The following PUS7 variants were observed in gnomAD, a reference collection of about 807,000 sequenced individuals.
PUS7 encodes the protein pseudouridylate synthase 7 homolog.
Under a neutral mutation model 79.8 loss-of-function variants are expected in PUS7, and 48 were observed. The ratio of observed to expected loss-of-function variants is 0.60; its 90% CI spans 0.48 to 0.76. The LOEUF (loss-of-function observed/expected upper bound fraction) is 0.76, where lower values mean the gene tolerates loss of function less well. Among genes scored for constraint, PUS7 ranks in the 30% least tolerant of loss-of-function variants. The probability of loss-of-function intolerance (pLI) is 0.00; values close to 1 mark genes in which losing one functional copy is unlikely to be tolerated. For synonymous variants in PUS7, 286 were observed against 272.2 expected (o/e 1.05, Z -0.50); for missense variants, 729 against 797.6 (o/e 0.91, Z 1.04).
At chr7:105,468,522 CTTTT>C in intron 11 of PUS7, 59 bp from the exon 12 acceptor site, 3 of 1,170,368 alleles carry the variant, frequency 2.6e-6, no homozygotes, top group Non-Finnish European at 1.2e-6. Flanking sequence ...AAGTGCTGTA[CTTTT>C]TTTTTTTTTG....
At chr7:105,475,843 C>T (rs1824085903) in intron 9 of PUS7, among the ~76,000 whole-genome samples, 1 of 152,012 alleles carries the variant, frequency 6.6e-6, no homozygotes, top group Admixed American at 6.6e-5. Context: ...AATAATAAAT[C>T]CCTATCCACC....
chr7:105,491,562 CTGT>C lies in PUS7; in HGVS notation c.895_897del (p.Thr299del). The C allele has an allele frequency of 6.3e-7, 1 of 1,598,686 alleles. No homozygotes were observed. The highest frequency in any genetic ancestry group is 2.2e-5 in the East Asian group (1 of 44,646). Reference sequence around the variant, plus strand: ...TACTTGAGAACAGCAATTTCTTGAACTGTTATAGCCCTTTTATCTTTGGTTCCC... The same window carrying C: ...TACTTGAGAACAGCAATTTCTTGAACTATAGCCCTTTTATCTTTGGTTCCC... On this transcript the variant is annotated inframe_deletion, in exon 7 of 16. Coordinates refer to ENST00000469408, the MANE Select transcript of PUS7 (RefSeq NM_019042.5).
chr7:105,493,443 A>C (rs906251135), intron 6 of PUS7, among the ~76,000 whole-genome samples: 10 of 152,240 alleles, frequency 6.6e-5, no homozygotes, highest in African/African-American at 2.4e-4. Flanking sequence ...AGGTACAGGC[A>C]TAGTAGCACA....
chr7:105,463,153 ACCTTGG>A (rs1823502411), intron 13 of PUS7, among the ~76,000 whole-genome samples: 1 of 152,170 alleles, frequency 6.6e-6, no homozygotes, highest in Non-Finnish European at 1.5e-5. Flanking sequence ...AAAATAAGAG[ACCTTGG>A]AAAACCATCT....
At chr7:105,460,920 G>C (rs1484983505) in intron 14 of PUS7, among the ~76,000 whole-genome samples, 1 of 151,746 alleles carries the variant, frequency 6.6e-6, no homozygotes, top group Non-Finnish European at 1.5e-5. Context: ...CAGGCTGGAG[G>C]GCAGTGGCGT....
chr7:105,491,455 G>T, intron 7 of PUS7, 85 bp downstream of exon 7: 1 of 845,398 alleles, frequency 1.2e-6, no homozygotes. Context: ...AGCTGAGAGA[G>T]AAACCCCCAA....
At chr7:105,462,098 GAAAAGGAAAA>G (rs2133038912) in intron 14 of PUS7, 1 of 31,470 alleles carries the variant, frequency 3.2e-5, no homozygotes, top group South Asian at 3.8e-3. Flanking sequence ...AAAAGAAAAA[GAAAAGGAAAA>G]GAAAAGAAGA....
At chr7:105,461,660 C>G (rs1823432148) in intron 14 of PUS7, among the ~76,000 whole-genome samples, 1 of 152,228 alleles carries the variant, frequency 6.6e-6, no homozygotes, top group Non-Finnish European at 1.5e-5. Flanking sequence ...CAGTCATGCA[C>G]TGCTTAACAA....
chr7:105,462,751 C>G lies in PUS7; in HGVS notation c.1628-1G>C. On this transcript the variant is annotated splice_acceptor_variant, in intron 13 of 15. Coordinates refer to ENST00000469408, the MANE Select transcript of PUS7 (RefSeq NM_019042.5). LOFTEE classifies it high-confidence loss of function. ...AGCATTTCCCTGTAGGCTTCTTGAA[C>G]TAATATAAAATACAAAAAGTTAGTT... The G allele has an allele frequency of 6.2e-7, 1 of 1,608,046 alleles. No homozygotes were observed. Among genetic ancestry groups the G allele is most frequent in the Non-Finnish European group, 8.5e-7 (1 of 1,178,588 alleles).
At chr7:105,509,044 C>T (rs1367626764) in intron 1 of PUS7, among the ~76,000 whole-genome samples, 1 of 149,234 alleles carries the variant, frequency 6.7e-6, no homozygotes, top group Non-Finnish European at 1.5e-5. Context: ...ACTAGCTGGG[C>T]GTGGTGGTAG....
At chr7:105,484,370 T>C (rs1212803909) in intron 7 of PUS7, among the ~76,000 whole-genome samples, 1 of 152,020 alleles carries the variant, frequency 6.6e-6, no homozygotes, top group African/African-American at 2.4e-5. Flanking sequence ...ATCCCAGTAC[T>C]TTAGGAGGCC....
chr7:105,516,991 C>T (rs1192951614), intron 1 of PUS7, among the ~76,000 whole-genome samples: 1 of 152,012 alleles, frequency 6.6e-6, no homozygotes, highest in East Asian at 1.9e-4. Flanking sequence ...CATTTTTTGA[C>T]ATATTTAAAA....
At chr7:105,500,602 C>G (rs1030823507) in intron 5 of PUS7, among the ~76,000 whole-genome samples, 1 of 152,216 alleles carries the variant, frequency 6.6e-6, no homozygotes, top group Non-Finnish European at 1.5e-5. Context: ...GGCAGCACTG[C>G]TGACCAACAT....
At chr7:105,507,009 C>T (rs1270261444) in intron 2 of PUS7, among the ~76,000 whole-genome samples, 1 of 152,060 alleles carries the variant, frequency 6.6e-6, no homozygotes, top group African/African-American at 2.4e-5. Context: ...TCAACAACCC[C>T]AATGTGGTAA....
Position 105,506,570 on chromosome 7 carries a change from G to A in PUS7, c.399-297C>T, listed in dbSNP as rs559341330. Reference sequence around the variant, plus strand: ...CCCGAGTAGCTGGGATTACAGGCACGTGCCACCACGCCCAGCTAATTTTTG... The same window carrying A: ...CCCGAGTAGCTGGGATTACAGGCACATGCCACCACGCCCAGCTAATTTTTG... On this transcript the variant is annotated intron_variant, in intron 2 of 15. Coordinates refer to ENST00000469408, the MANE Select transcript of PUS7 (RefSeq NM_019042.5). Among the ~76,000 whole-genome samples, 10 of 151,916 alleles carry A rather than the reference G, an allele frequency of 6.6e-5. No homozygotes were observed. In the East Asian group the frequency reaches 1.7e-3, roughly 27 times the overall value.
chr7:105,462,940 G>A (rs913688143), intron 13 of PUS7, among the ~76,000 whole-genome samples, 190 bp from the exon 14 acceptor site: 3 of 152,166 alleles, frequency 2.0e-5, no homozygotes, highest in Non-Finnish European at 4.4e-5. Flanking sequence ...ACTACAGGGT[G>A]TACTGAGCTT....
At chr7:105,465,437 T>C (rs763300156) in intron 12 of PUS7, 23 bp from the exon 13 acceptor site, 1 of 1,519,408 alleles carries the variant, frequency 6.6e-7, no homozygotes, top group Non-Finnish European at 9.1e-7. Flanking sequence ...AAGTGAACAA[T>C]AAATTAAGAA....
intron 7 of PUS7, among the ~76,000 whole-genome samples, chr7:105,485,216 G>A (rs568213035): frequency 1.3e-5 from 2 of 150,926 alleles, no homozygotes; most frequent in South Asian, 2.1e-4. Flanking sequence ...TGTTGTTGTC[G>A]TCGTTGTTTT....
In PUS7 at chr7:105,508,495, C is replaced by A; in HGVS notation, c.18G>T (p.Met6Ile). The change falls in exon 2 of 16, where the codon ATG (methionine) becomes ATT (isoleucine). Residue 6 changes from methionine to isoleucine, a missense_variant. By Grantham distance (10) the Met-to-Ile change is conservative. Coordinates refer to ENST00000469408, the MANE Select transcript of PUS7 (RefSeq NM_019042.5). Reference sequence around the variant, plus strand: ...CCCCACGTTTCAGCGACACACCAGTCATTTCTGTCATCTCCATCTTTAAGG... The same window carrying A: ...CCCCACGTTTCAGCGACACACCAGTAATTTCTGTCATCTCCATCTTTAAGG... MEMTE[M>I]TGVSLKRGAL... 6.2e-7 allele frequency: 1 copy of A among 1,612,280 alleles called. No individual in the cohort carries two copies. The highest frequency in any genetic ancestry group is 1.1e-5 in the South Asian group (1 of 90,758).
Sources: gnomAD v4.1 joint callset for allele counts (sites outside exome capture counted in the v4.1 genomes callset) on GRCh38, gnomAD v4.1.1 for gene constraint, MANE v1.5 for transcripts, NCBI Gene and HGNC (gene_info 2026-07-23, HGNC 2026-07-21) for gene names.